OSBPL1A: variants seen among roughly 807,000 people sequenced by gnomAD.
OSBPL1A encodes oxysterol-binding protein-related protein 1.
In OSBPL1A, 80 loss-of-function variants were observed where a neutral mutation model predicts 137.1. The observed-to-expected ratio is 0.58, with a 90% CI of 0.49 to 0.70. OSBPL1A has a LOEUF of 0.70. Among genes scored for constraint, OSBPL1A ranks in the 30% least tolerant of loss-of-function variants. The pLI is 0.00. For synonymous variants in OSBPL1A, 365 were observed against 389.7 expected, an observed-to-expected ratio of 0.94 and a Z score of 0.75; for missense variants, 970 against 1,129.4, an observed-to-expected ratio of 0.86 and a Z score of 2.02.
intron 18 of OSBPL1A, among the ~76,000 whole-genome samples, chr18:24,183,818 G>A (rs565248842): frequency 1.9e-4 from 29 of 152,178 alleles, no homozygotes; most frequent in African/African-American, 5.8e-4. Context: ...ATCTTTTAGC[G>A]GGGTGTTATA....
chr18:24,281,928 C>A (rs1380943937), intron 14 of OSBPL1A, among the ~76,000 whole-genome samples: 2 of 152,108 alleles, frequency 1.3e-5, no homozygotes, highest in African/African-American at 4.8e-5. Flanking sequence ...TGTGTCAGAT[C>A]AGTGGCAGCA....
chr18:24,386,307 T>A (rs993590223), intron 1 of OSBPL1A, among the ~76,000 whole-genome samples: 1 of 152,062 alleles, frequency 6.6e-6, no homozygotes, highest in African/African-American at 2.4e-5. Flanking sequence ...CCCACAGATA[T>A]CAGTTTTAAG....
At chr18:24,270,542 T>G (rs2089692798) in intron 15 of OSBPL1A, among the ~76,000 whole-genome samples, 1 of 152,252 alleles carries the variant, frequency 6.6e-6, no homozygotes, top group Non-Finnish European at 1.5e-5. Context: ...CCTTTAAAAC[T>G]CCAGTCTGGC....
intron 17 of OSBPL1A, among the ~76,000 whole-genome samples, chr18:24,208,639 A>C (rs2087440705): frequency 6.6e-6 from 1 of 152,206 alleles, no homozygotes; most frequent in Non-Finnish European, 1.5e-5. Flanking sequence ...TTAAACTCTT[A>C]TTACCATTAG....
intron 17 of OSBPL1A, among the ~76,000 whole-genome samples, chr18:24,213,387 G>A (rs1422840737): frequency 2.6e-5 from 4 of 152,164 alleles, no homozygotes; most frequent in African/African-American, 9.7e-5. Flanking sequence ...GGGCAACATA[G>A]TGAAATCCTG....
chr18:24,197,911 C>T (rs550005713), intron 17 of OSBPL1A, among the ~76,000 whole-genome samples: 4 of 151,694 alleles, frequency 2.6e-5, no homozygotes, highest in Admixed American at 2.0e-4. Flanking sequence ...GTCAGCCTCC[C>T]GAGTAGCTGG....
chr18:24,221,120 G>C (rs1599516130), intron 17 of OSBPL1A, among the ~76,000 whole-genome samples: 1 of 152,162 alleles, frequency 6.6e-6, no homozygotes, highest in Non-Finnish European at 1.5e-5. Flanking sequence ...TTTTATTCTA[G>C]TGATTAAATG....
intron 15 of OSBPL1A, chr18:24,272,053 C>A: frequency 1.0e-6 from 1 of 982,730 alleles, no homozygotes; most frequent in South Asian, 4.7e-5. Flanking sequence ...CCGCTCCTCC[C>A]CTTCCCCAGC....
intron 21 of OSBPL1A, among the ~76,000 whole-genome samples, chr18:24,175,110 A>ATATATATATATATATATATG (rs1567920001): frequency 1.2e-3 from 18 of 14,800 alleles, no homozygotes; most frequent in African/African-American, 1.7e-3. Context: ...ATGTGTATGT[A>ATATATATATATATATATATG]TATATATATA....
At chr18:24,365,963 T>G (rs995260454) in intron 4 of OSBPL1A, among the ~76,000 whole-genome samples, 1 of 152,134 alleles carries the variant, frequency 6.6e-6, no homozygotes, top group Non-Finnish European at 1.5e-5. Flanking sequence ...CAACACTATC[T>G]ACCCAGAGAT....
chr18:24,180,998 G>A, intron 19 of OSBPL1A, 147 bp downstream of exon 19: 3 of 919,168 alleles, frequency 3.3e-6, no homozygotes, highest in Non-Finnish European at 4.8e-6. Context: ...CTAACCAGAG[G>A]ACAGTCCAGA....
intron 18 of OSBPL1A, among the ~76,000 whole-genome samples, chr18:24,188,901 G>C (rs1252463963): frequency 1.3e-5 from 2 of 152,064 alleles, no homozygotes; most frequent in Admixed American, 6.5e-5. Flanking sequence ...ATGAAGTCTG[G>C]TGCTGCATTC....
intron 12 of OSBPL1A, among the ~76,000 whole-genome samples, 167 bp from the exon 13 acceptor site, chr18:24,312,273 C>T (rs1255077321): frequency 1.3e-5 from 2 of 152,156 alleles, no homozygotes; most frequent in Admixed American, 6.5e-5. Context: ...GGTCTCTTGT[C>T]CATGATATGT....
chr18:24,172,155 G>A (rs1013509011), intron 22 of OSBPL1A, among the ~76,000 whole-genome samples: 3 of 152,036 alleles, frequency 2.0e-5, no homozygotes, highest in African/African-American at 7.3e-5. Flanking sequence ...TGGCCAGGCT[G>A]GTCTCGAACT....
chr18:24,311,672 G>A (rs2090621971), intron 13 of OSBPL1A: 1 of 311,104 alleles, frequency 3.2e-6, no homozygotes. Context: ...AGCTATGCAT[G>A]CTCCCCATCC....
rs776368891 is a variant in OSBPL1A at position 24,332,898 on chromosome 18, A to G, written c.625+44T>C. 5 of 1,600,630 alleles carry G rather than the reference A, an allele frequency of 3.1e-6. No homozygotes were observed. The East Asian group carries it at 9.0e-5, about 29-fold the overall frequency. Reference sequence around the variant, plus strand: ...TTTTATATGGCATTGACTTCATTTTATAATTTCAAAATGGCCAACGATGGT... The same window carrying G: ...TTTTATATGGCATTGACTTCATTTTGTAATTTCAAAATGGCCAACGATGGT... On this transcript the variant is annotated intron_variant, in intron 7 of 27. Transcript: ENST00000319481.
intron 15 of OSBPL1A, among the ~76,000 whole-genome samples, chr18:24,242,074 A>G (rs1236905738): frequency 6.6e-6 from 1 of 151,760 alleles, no homozygotes; most frequent in African/African-American, 2.4e-5. Flanking sequence ...GGAGTTGAAC[A>G]ATGAGAACAT....
chr18:24,196,278 TGA>T lies in OSBPL1A; in HGVS notation c.1602-80_1602-79del, dbSNP rs1430919605. ...GAGGGAAGAACTGCTTTCATTCACA[TGA>T]GAGCTGCAGGCACAGAAAGACCCTT... On this transcript the variant is annotated intron_variant, in intron 17 of 27. Coordinates refer to ENST00000319481, the MANE Select transcript of OSBPL1A (RefSeq NM_080597.4). 1.2e-5 allele frequency: 12 copies of T among 980,524 alleles called. No individual in the cohort carries two copies. In the African/African-American group the frequency reaches 1.9e-4, roughly 16 times the overall value. 60.7% of individuals were successfully genotyped at this position (980,524 alleles called of 1,614,324 possible). A position where few individuals can be genotyped will look rare whatever the true frequency, so the allele number is the denominator to read the frequency against.
intron 17 of OSBPL1A, 67 bp from the exon 18 acceptor site, chr18:24,196,267 T>G: frequency 9.1e-7 from 1 of 1,099,922 alleles, no homozygotes; most frequent in Non-Finnish European, 1.3e-6. Flanking sequence ...GAAGAACTGC[T>G]TTCATTCACA....
Sources: gnomAD v4.1 joint callset for allele counts (sites outside exome capture counted in the v4.1 genomes callset) on GRCh38, gnomAD v4.1.1 for gene constraint, MANE v1.5 for transcripts, NCBI Gene and HGNC (gene_info 2026-07-23, HGNC 2026-07-21) for gene names.